Variants in OSBPL10 observed in about 807,000 individuals in gnomAD.
OSBPL10 encodes the protein oxysterol-binding protein-related protein 10.
A neutral mutation model predicts 81.7 loss-of-function variants in OSBPL10; 49 were observed. The observed-to-expected ratio is 0.60, with a 90% CI of 0.48 to 0.76. OSBPL10 has a LOEUF of 0.76. Among genes scored for constraint, OSBPL10 ranks in the 30% least tolerant of loss-of-function variants. The pLI, the probability that OSBPL10 is intolerant of heterozygous loss-of-function variation, is 0.00. For missense variants in OSBPL10, 923 were observed against 987.8 expected, an observed-to-expected ratio of 0.93 and a Z score of 0.88; for synonymous variants, 419 against 383.6, an observed-to-expected ratio of 1.09 and a Z score of -1.08.
At chr3:31,864,509 G>A (rs981245436) in intron 3 of OSBPL10, among the ~76,000 whole-genome samples, 4 of 152,218 alleles carry the variant, frequency 2.6e-5, no homozygotes, top group African/African-American at 9.6e-5. Flanking sequence ...CAAAGTGCTA[G>A]GATTACAGGA....
intron 3 of OSBPL10, among the ~76,000 whole-genome samples, chr3:31,869,548 A>G (rs754198257): frequency 1.3e-5 from 2 of 152,208 alleles, no homozygotes; most frequent in Non-Finnish European, 2.9e-5. Context: ...CTTTGATTAC[A>G]TAAAGATTGC....
intron 4 of OSBPL10, among the ~76,000 whole-genome samples, chr3:31,786,724 A>T (rs1425210118): frequency 2.6e-5 from 4 of 152,070 alleles, no homozygotes; most frequent in Admixed American, 2.6e-4. Context: ...CACAGGTGAA[A>T]ATATATATAT....
intron 1 of OSBPL10, among the ~76,000 whole-genome samples, chr3:31,966,151 TTATG>T (rs1698394145): frequency 1.9e-5 from 2 of 104,462 alleles, no homozygotes; most frequent in African/African-American, 9.9e-5. Context: ...AACAACAAAA[TTATG>T]TGTGTGTGTG....
At chr3:31,964,870 AATGGCTTATGAGCAG>A (rs1384909670) in intron 1 of OSBPL10, among the ~76,000 whole-genome samples, 73 of 152,320 alleles carry the variant, frequency 4.8e-4, no homozygotes, top group African/African-American at 1.5e-3. Flanking sequence ...TCTGAATATG[AATGGCTTATGAGCAG>A]AGGGTGTACT....
Position 31,879,690 on chromosome 3 carries a change from A to G in OSBPL10, c.422T>C (p.Val141Ala). Reference sequence around the variant, plus strand: ...AAACATCTCTCCATTAGCAGAGTACACCACCAGCATGTGGGGAGCTTCATC... The same window carrying G: ...AAACATCTCTCCATTAGCAGAGTACGCCACCAGCATGTGGGGAGCTTCATC... The part of the protein sequence containing the change: ...LSDEAPHMLV[V>A]YSANGEMFKL... The change falls in exon 2 of 12, where the codon GTG (valine) becomes GCG (alanine). Residue 141 changes from valine to alanine, a missense_variant. By Grantham distance (64) the Val-to-Ala change is moderately conservative (BLOSUM62 0). This residue lies in a region of OSBPL10 where 514 missense variants were observed against 508.0 expected (regional missense o/e 1.01). Transcript: ENST00000396556. The G allele has an allele frequency of 6.2e-7, 1 of 1,614,152 alleles. No individual in the cohort carries two copies. The highest frequency in any genetic ancestry group is 8.5e-7 in the Non-Finnish European group (1 of 1,180,020).
At chr3:31,847,027 C>T (rs993696472) in intron 3 of OSBPL10, among the ~76,000 whole-genome samples, 1 of 152,098 alleles carries the variant, frequency 6.6e-6, no homozygotes, top group African/African-American at 2.4e-5. Context: ...AATGTCCACT[C>T]TCAGTCCTCA....
At chr3:31,741,531 G>A (rs559519992) in intron 5 of OSBPL10, among the ~76,000 whole-genome samples, 2 of 152,306 alleles carry the variant, frequency 1.3e-5, no homozygotes, top group Admixed American at 1.3e-4. Context: ...CTGAAGTGCT[G>A]GGATTACAGG....
intron 3 of OSBPL10, among the ~76,000 whole-genome samples, chr3:31,833,482 CAA>C (rs1381831873): frequency 6.6e-6 from 1 of 152,146 alleles, no homozygotes; most frequent in African/African-American, 2.4e-5. Context: ...GCTGCATGGA[CAA>C]AGTTTGTTTC....
At chr3:31,871,585 A>G (rs1470811258) in intron 3 of OSBPL10, among the ~76,000 whole-genome samples, 5 of 152,226 alleles carry the variant, frequency 3.3e-5, no homozygotes, top group Non-Finnish European at 7.3e-5. Context: ...TAAAAACTAC[A>G]AGAAGCCAGG....
chr3:31,921,141 C>T (rs1306152746), intron 1 of OSBPL10, among the ~76,000 whole-genome samples: 5 of 152,088 alleles, frequency 3.3e-5, no homozygotes, highest in Admixed American at 6.5e-5. Context: ...ACATGTTAAA[C>T]ATAAGTCAAA....
chr3:32,021,917 C>T (rs1038295055), intron 2 of OSBPL10, among the ~76,000 whole-genome samples: 1 of 151,320 alleles, frequency 6.6e-6, no homozygotes, highest in East Asian at 1.9e-4. Context: ...GAGGTTGAAG[C>T]TGCAGTGAGT....
intron 5 of OSBPL10, among the ~76,000 whole-genome samples, chr3:31,737,666 A>G (rs1697222406): frequency 6.6e-6 from 1 of 152,184 alleles, no homozygotes; most frequent in South Asian, 2.1e-4. Context: ...CTGCAGTTGC[A>G]AAAGACACAG....
intron 3 of OSBPL10, among the ~76,000 whole-genome samples, chr3:31,855,472 G>T (rs1419250175): frequency 1.3e-5 from 2 of 152,080 alleles, no homozygotes; most frequent in Non-Finnish European, 2.9e-5. Context: ...CTAGCCTCCA[G>T]CCTTGTTTTA....
At chr3:31,878,842 T>TGTGC (rs935235540) in intron 2 of OSBPL10, among the ~76,000 whole-genome samples, 2 of 151,808 alleles carry the variant, frequency 1.3e-5, no homozygotes. Context: ...TGTGTGTGTG[T>TGTGC]GTGTGTGCAT....
At chr3:31,806,547 G>C (rs1364028492) in intron 4 of OSBPL10, among the ~76,000 whole-genome samples, 4 of 152,214 alleles carry the variant, frequency 2.6e-5, no homozygotes, top group Non-Finnish European at 5.9e-5. Flanking sequence ...TGTACCCGCA[G>C]TTAGAAAAGC....
At chr3:31,872,304 C>T (rs1701349575) in intron 3 of OSBPL10, among the ~76,000 whole-genome samples, 1 of 152,172 alleles carries the variant, frequency 6.6e-6, no homozygotes, top group Non-Finnish European at 1.5e-5. Context: ...GATGTCAGAG[C>T]AAGGACAAGA....
intron 2 of OSBPL10, chr3:31,990,847 G>A: frequency 1.3e-6 from 2 of 1,584,438 alleles, no homozygotes; most frequent in Non-Finnish European, 1.7e-6. Context: ...AATTCATATG[G>A]GAGAGAAACA....
intron 10 of OSBPL10, among the ~76,000 whole-genome samples, chr3:31,667,551 T>G (rs1014610262): frequency 2.6e-5 from 4 of 152,274 alleles, no homozygotes; most frequent in Non-Finnish European, 5.9e-5. Flanking sequence ...GTAGTAATAG[T>G]AAAGCTTTCA....
intron 2 of OSBPL10, among the ~76,000 whole-genome samples, chr3:32,036,788 A>G (rs1050147148): frequency 2.0e-5 from 3 of 150,268 alleles, no homozygotes; most frequent in Non-Finnish European, 4.4e-5. Context: ...GCACCACTGC[A>G]CTCCAGCCTG....
Sources: allele counts gnomAD v4.1 joint callset (sites outside exome capture counted in the v4.1 genomes callset), GRCh38; gene constraint gnomAD v4.1.1; regional missense constraint gnomAD v4.1.1; transcripts MANE v1.5; gene names NCBI Gene and HGNC (gene_info 2026-07-23, HGNC 2026-07-21).